Variants in AGBL4 observed in about 807,000 individuals in gnomAD.
AGBL4 encodes cytosolic carboxypeptidase 6.
A neutral mutation model predicts 66.4 loss-of-function variants in AGBL4; 58 were observed. The ratio of observed to expected loss-of-function variants is 0.87; its 90% CI spans 0.71 to 1.09. AGBL4 has a LOEUF of 1.09. Ranked by LOEUF, AGBL4 falls within the 50% of genes least tolerant of loss-of-function variation. The probability of loss-of-function intolerance (pLI) is 0.00; values close to 1 mark genes in which losing one functional copy is unlikely to be tolerated. For synonymous variants in AGBL4, 234 were observed against 222.9 expected, an observed-to-expected ratio of 1.05 and a Z score of -0.44; for missense variants, 579 against 631.0, an observed-to-expected ratio of 0.92 and a Z score of 0.88.
At chr1:49,248,315 G>C (rs1056569074) in intron 3 of AGBL4, among the ~76,000 whole-genome samples, 3 of 152,142 alleles carry the variant, frequency 2.0e-5, no homozygotes, top group Non-Finnish European at 2.9e-5. Flanking sequence ...TTGTAAATTA[G>C]AATCACTAGT....
rs551817704 is a variant in AGBL4 at position 49,046,633 on chromosome 1, T to C, written c.378-833A>G. Among the ~76,000 whole-genome samples, 11 of 152,324 alleles carry C rather than the reference T, an allele frequency of 7.2e-5. No homozygotes were observed. The East Asian group carries it at 1.7e-3, about 24-fold the overall frequency. On this transcript the variant is annotated intron_variant, in intron 4 of 13. Transcript: ENST00000371839. ...TATGATATCCAACCTCTTCACAATG[T>C]TTCCCTGCAGTGAATGTCTCTCATT...
chr1:49,259,061 C>T lies in AGBL4; in HGVS notation c.283-13197G>A, dbSNP rs1570248995. Among the ~76,000 whole-genome samples, 4 of 151,964 alleles carry T rather than the reference C, an allele frequency of 2.6e-5. No homozygotes were observed. In the South Asian group the frequency reaches 8.3e-4, roughly 32 times the overall value. ...ATTTCATATCCAGCCAAACTAAGAT[C>T]CATAAGTGAAGGAGAAATAAAATAC... On this transcript the variant is annotated intron_variant, in intron 3 of 13. Transcript: ENST00000371839.
intron 3 of AGBL4, among the ~76,000 whole-genome samples, chr1:49,334,219 C>G (rs1570458335): frequency 7.7e-6 from 1 of 130,624 alleles, no homozygotes; most frequent in Non-Finnish European, 1.5e-5. Flanking sequence ...GATAAGGAAA[C>G]TGAAGCATAA....
chr1:49,950,087 T>C (rs186514447), intron 1 of AGBL4, among the ~76,000 whole-genome samples: 104 of 128,430 alleles, frequency 8.1e-4, no homozygotes, highest in Middle Eastern at 8.4e-3. Flanking sequence ...CATATGTGTA[T>C]ATATATACAC....
chr1:48,916,547 G>GAC (rs141195869), intron 5 of AGBL4, among the ~76,000 whole-genome samples: 14,235 of 150,122 alleles, frequency 0.095, 722 homozygotes, highest in Non-Finnish European at 0.11. Context: ...GTGTGTGTGT[G>GAC]ACACACACAC....
intron 11 of AGBL4, among the ~76,000 whole-genome samples, chr1:48,576,133 C>T (rs1005783341): frequency 2.6e-5 from 4 of 152,204 alleles, no homozygotes; most frequent in Middle Eastern, 3.2e-3. Context: ...GGCTGCACCG[C>T]AGGAGGTGAG....
chr1:49,412,360 A>C (rs2148628746), intron 3 of AGBL4, among the ~76,000 whole-genome samples: 1 of 152,206 alleles, frequency 6.6e-6, no homozygotes, highest in South Asian at 2.1e-4. Flanking sequence ...GACTCTTCTT[A>C]TAAGAACACT....
intron 3 of AGBL4, among the ~76,000 whole-genome samples, chr1:49,345,380 T>A (rs1391305226): frequency 6.6e-6 from 1 of 152,126 alleles, no homozygotes; most frequent in African/African-American, 2.4e-5. Flanking sequence ...GCAACTGTTG[T>A]CTTGTTTTGA....
At chr1:49,560,858 T>G (rs2148853027) in intron 3 of AGBL4, among the ~76,000 whole-genome samples, 1 of 152,190 alleles carries the variant, frequency 6.6e-6, no homozygotes, top group African/African-American at 2.4e-5. Context: ...GTATATCTGG[T>G]GAAAATGTCC....
chr1:49,093,565 A>G (rs1477085884), intron 4 of AGBL4, among the ~76,000 whole-genome samples: 2 of 152,188 alleles, frequency 1.3e-5, no homozygotes, highest in Non-Finnish European at 2.9e-5. Flanking sequence ...AAATAAAAGT[A>G]TAGGTAACTA....
chr1:48,820,360 G>A (rs951137688), intron 6 of AGBL4, among the ~76,000 whole-genome samples: 14 of 152,146 alleles, frequency 9.2e-5, no homozygotes, highest in Admixed American at 2.6e-4. Flanking sequence ...GACTGGCTAT[G>A]AGGAGGTACA....
At chr1:49,164,632 C>A (rs1646600754) in intron 4 of AGBL4, among the ~76,000 whole-genome samples, 1 of 152,154 alleles carries the variant, frequency 6.6e-6, no homozygotes, top group Non-Finnish European at 1.5e-5. Flanking sequence ...TCTAACTCTG[C>A]TAGTTAATGT....
At chr1:49,504,884 G>C (rs904050981) in intron 3 of AGBL4, among the ~76,000 whole-genome samples, 1 of 151,670 alleles carries the variant, frequency 6.6e-6, no homozygotes, top group Non-Finnish European at 1.5e-5. Flanking sequence ...CACCATTTTT[G>C]TTGTTTTATT....
At chr1:49,381,571 C>T (rs1177437701) in intron 3 of AGBL4, among the ~76,000 whole-genome samples, 2 of 152,002 alleles carry the variant, frequency 1.3e-5, no homozygotes, top group African/African-American at 4.8e-5. Context: ...GCGTTATTCA[C>T]AATAGCAAAG....
At chr1:48,568,825 C>T (rs1644515818) in intron 11 of AGBL4, among the ~76,000 whole-genome samples, 1 of 152,108 alleles carries the variant, frequency 6.6e-6, no homozygotes, top group African/African-American at 2.4e-5. Context: ...CCCTCTCTAC[C>T]TTATGTGTCC....
rs547681818 is a variant in AGBL4, at chr1:48,588,798, C to CAGAGAAGAGAAGAGAAGAGAAGAGA, written c.1105-1657_1105-1633dup. Among the ~76,000 whole-genome samples, 431 of 113,192 alleles carry CAGAGAAGAGAAGAGAAGAGAAGAGA rather than the reference C, an allele frequency of 3.8e-3. 8 individuals carry two copies. Among genetic ancestry groups the CAGAGAAGAGAAGAGAAGAGAAGAGA allele is most frequent in the African/African-American group, 6.1e-3 (181 of 29,478 alleles). The allele number at this position is 113,192 out of a possible 152,430, so 74.3% of individuals were successfully genotyped here. ...TGTTTTAGAGTTGGGCATTGAGGAT[C>CAGAGAAGAGAAGAGAAGAGAAGAGA]AGAGAAGAGAAGAGAAGAGAAGAGA... On this transcript the variant is annotated intron_variant, in intron 10 of 13. Transcript: ENST00000371839.
At chr1:48,563,331 A>T (rs1469418756) in intron 11 of AGBL4, among the ~76,000 whole-genome samples, 3 of 152,220 alleles carry the variant, frequency 2.0e-5, no homozygotes, top group Non-Finnish European at 2.9e-5. Flanking sequence ...TGCTAATGAC[A>T]AGAGTTACTC....
intron 4 of AGBL4, among the ~76,000 whole-genome samples, chr1:49,123,029 A>G (rs554651902): frequency 1.3e-5 from 2 of 151,922 alleles, no homozygotes; most frequent in South Asian, 4.2e-4. Flanking sequence ...AATTTTTTGT[A>G]TTTTTAGTAG....
chr1:49,656,459 C>G (rs951858023), intron 3 of AGBL4, among the ~76,000 whole-genome samples: 1 of 152,152 alleles, frequency 6.6e-6, no homozygotes, highest in Non-Finnish European at 1.5e-5. Flanking sequence ...CCTTCTGAAA[C>G]TATTCCAATC....
Sources: gnomAD v4.1 joint callset for allele counts (sites outside exome capture counted in the v4.1 genomes callset) on GRCh38, gnomAD v4.1.1 for gene constraint, MANE v1.5 for transcripts, NCBI Gene and HGNC (gene_info 2026-07-23, HGNC 2026-07-21) for gene names.